The following THSD7B variants were observed in gnomAD, a reference collection of about 807,000 sequenced individuals.
The protein encoded by THSD7B is thrombospondin type-1 domain-containing protein 7B.
THSD7B carries 138 observed loss-of-function variants against 213.6 expected under a neutral mutation model. That is an observed-to-expected ratio of 0.65 (90% CI 0.56 to 0.74). The LOEUF is 0.74. Ranked by LOEUF, THSD7B falls within the 30% of genes least tolerant of loss-of-function variation. The pLI, the probability that THSD7B is intolerant of heterozygous loss-of-function variation, is 0.00. For synonymous variants in THSD7B, 742 were observed against 687.0 expected, an observed-to-expected ratio of 1.08 and a Z score of -1.25; for missense variants, 1,931 against 1,991.5, an observed-to-expected ratio of 0.97 and a Z score of 0.58.
chr2:137,512,565 G>C (rs1312511776), intron 15 of THSD7B, among the ~76,000 whole-genome samples: 2 of 151,040 alleles, frequency 1.3e-5, no homozygotes, highest in Non-Finnish European at 3.0e-5. Flanking sequence ...CTAATTTTTT[G>C]TATTATTTGT....
intron 20 of THSD7B, among the ~76,000 whole-genome samples, chr2:137,638,373 AT>A (rs759407528): frequency 4.0e-5 from 6 of 151,630 alleles, no homozygotes; most frequent in Non-Finnish European, 7.4e-5. Flanking sequence ...CTTATTCCTC[AT>A]TTTTCTCTTG....
At chr2:136,936,581 A>C (rs563825728) in intron 2 of THSD7B, among the ~76,000 whole-genome samples, 2 of 152,314 alleles carry the variant, frequency 1.3e-5, no homozygotes, top group South Asian at 2.1e-4. Flanking sequence ...TGGGAAACCA[A>C]ACATTGTATG....
At chr2:137,344,462 GA>G (rs763743719) in intron 12 of THSD7B, among the ~76,000 whole-genome samples, 1 of 151,540 alleles carries the variant, frequency 6.6e-6, no homozygotes, top group Non-Finnish European at 1.5e-5. Flanking sequence ...TAGTAGAGAT[GA>G]AAAAAGGAGA....
At chr2:136,862,195 T>A (rs1411030934) in intron 1 of THSD7B, among the ~76,000 whole-genome samples, 1 of 152,100 alleles carries the variant, frequency 6.6e-6, no homozygotes, top group African/African-American at 2.4e-5. Flanking sequence ...GAGGTGAGGA[T>A]CAGTAGAGTC....
intron 1 of THSD7B, among the ~76,000 whole-genome samples, chr2:136,874,904 G>A (rs1037892350): frequency 6.6e-6 from 1 of 152,108 alleles, no homozygotes; most frequent in African/African-American, 2.4e-5. Context: ...TGTAATCATA[G>A]TCATAGCATT....
chr2:137,141,592 T>C (rs1470471788), intron 5 of THSD7B, among the ~76,000 whole-genome samples: 2 of 152,034 alleles, frequency 1.3e-5, no homozygotes, highest in Non-Finnish European at 2.9e-5. Flanking sequence ...TTCCTGGTTT[T>C]GATATTGTAT....
At chr2:137,105,358 C>T (rs1198979841) in intron 4 of THSD7B, among the ~76,000 whole-genome samples, 4 of 151,982 alleles carry the variant, frequency 2.6e-5, no homozygotes, top group African/African-American at 7.3e-5. Context: ...AATTCAACAC[C>T]CCTTCATGCT....
chr2:136,805,635 G>A (rs547758188), intron 1 of THSD7B, among the ~76,000 whole-genome samples: 4 of 151,936 alleles, frequency 2.6e-5, no homozygotes, highest in South Asian at 2.1e-4. Context: ...AAGCAGAACC[G>A]TATTGGCTGC....
chr2:137,376,502 G>A (rs962699493), intron 12 of THSD7B, among the ~76,000 whole-genome samples: 7 of 152,066 alleles, frequency 4.6e-5, no homozygotes, highest in African/African-American at 1.7e-4. Context: ...GAAGTTAGTT[G>A]CACAACAGCT....
At chr2:137,655,799 C>G in intron 22 of THSD7B, 139 bp downstream of exon 22, 1 of 1,148,154 alleles carries the variant, frequency 8.7e-7, no homozygotes, top group Non-Finnish European at 1.2e-6. Context: ...GTGGTTATCA[C>G]TTTGGTATAT....
chr2:137,613,944 T>C (rs903422795), intron 17 of THSD7B, among the ~76,000 whole-genome samples: 1 of 152,052 alleles, frequency 6.6e-6, no homozygotes, highest in Non-Finnish European at 1.5e-5. Flanking sequence ...TAGAAAGAAA[T>C]AAGGAGAAAC....
At position 137,403,607 on chromosome 2, in the gene THSD7B, C is replaced by T. The variant is rs1033676680; in HGVS notation, c.2501-2006C>T. Among the ~76,000 whole-genome samples the T allele has an allele frequency of 1.9e-4, 29 of 152,154 alleles. 1 individual carries two copies. Among genetic ancestry groups the T allele is most frequent in the Non-Finnish European group, 3.1e-4 (21 of 68,022 alleles). ...AGGCATCATGCCAAATATGGGTAGT[C>T]GGTAGACAGGGTAGACCAGAATTAT... On this transcript the variant is annotated intron_variant, in intron 12 of 27. Coordinates refer to ENST00000409968, the MANE Select transcript of THSD7B (RefSeq NM_001316349.2).
intron 15 of THSD7B, among the ~76,000 whole-genome samples, chr2:137,503,352 C>G (rs921083783): frequency 2.0e-5 from 3 of 152,144 alleles, no homozygotes; most frequent in Admixed American, 2.0e-4. Context: ...TTTCTAGTTG[C>G]CGCCACTGTT....
At chr2:136,895,616 G>A (rs1014855166) in intron 2 of THSD7B, among the ~76,000 whole-genome samples, 1 of 132,828 alleles carries the variant, frequency 7.5e-6, no homozygotes, top group Non-Finnish European at 1.6e-5. Flanking sequence ...CAACTTTATT[G>A]AAGCATAATT....
chr2:137,385,901 C>T, intron 12 of THSD7B, among the ~76,000 whole-genome samples: 1 of 152,142 alleles, frequency 6.6e-6, no homozygotes, highest in African/African-American at 2.4e-5. Flanking sequence ...CAATTATAAC[C>T]TTTAACTCTT....
intron 2 of THSD7B, among the ~76,000 whole-genome samples, chr2:136,891,212 T>G (rs571380873): frequency 6.6e-6 from 1 of 152,266 alleles, no homozygotes; most frequent in East Asian, 1.9e-4. Flanking sequence ...GAGTCATTTT[T>G]TCCTGTTTCC....
At position 137,589,003 on chromosome 2, in the gene THSD7B, C is replaced by T. The variant is rs1052308325; in HGVS notation, c.3423+16447C>T. 3.9e-5 allele frequency among the ~76,000 whole-genome samples: 6 copies of T among 152,190 alleles called. No homozygotes were observed. The East Asian group carries it at 9.7e-4, about 25-fold the overall frequency. On this transcript the variant is annotated intron_variant, in intron 17 of 27. Coordinates refer to ENST00000409968, the MANE Select transcript of THSD7B (RefSeq NM_001316349.2). ...CCATGTTGGTCAGGCTGGTCTTGAA[C>T]TTCTGACCTCAGGTGATCTGCCCGT... is the stretch of plus-strand genomic sequence containing the variant.
At chr2:136,890,867 T>C (rs1009752433) in intron 2 of THSD7B, among the ~76,000 whole-genome samples, 2 of 151,924 alleles carry the variant, frequency 1.3e-5, no homozygotes, top group African/African-American at 4.8e-5. Context: ...AGATTTTTTT[T>C]TTATGCAATT....
chr2:137,141,368 A>AT (rs2104964322), intron 5 of THSD7B, among the ~76,000 whole-genome samples: 1 of 152,224 alleles, frequency 6.6e-6, no homozygotes, highest in East Asian at 1.9e-4. Context: ...TAGACAGCAG[A>AT]TTAGAGGTAG....
Sources: allele counts gnomAD v4.1 joint callset (sites outside exome capture counted in the v4.1 genomes callset), GRCh38; gene constraint gnomAD v4.1.1; transcripts MANE v1.5; gene names NCBI Gene and HGNC (gene_info 2026-07-23, HGNC 2026-07-21).